Variants in SLC25A21 observed in about 807,000 individuals in gnomAD.
SLC25A21 encodes the protein solute carrier family 25 member 21, also known as mitochondrial 2-oxodicarboxylate carrier.
SLC25A21 carries 47 observed loss-of-function variants against 43.8 expected under a neutral mutation model. The observed-to-expected ratio is 1.07, with a 90% confidence interval of 0.85 to 1.37. The LOEUF is 1.37. Ranked by LOEUF, SLC25A21 falls within the 40% of genes most tolerant of loss-of-function variation. The pLI, the probability that SLC25A21 is intolerant of heterozygous loss-of-function variation, is 0.00. For synonymous variants in SLC25A21, 131 were observed against 121.3 expected, an observed-to-expected ratio of 1.08 and a Z score of -0.52; for missense variants, 352 against 350.2, an observed-to-expected ratio of 1.00 and a Z score of -0.04.
rs1207180703 is a variant in SLC25A21, at chr14:36,683,824, T to C, written c.838+4A>G. On this transcript the variant is annotated splice_donor_region_variant and intron_variant, in intron 9 of 9. Transcript: ENST00000331299. ...AAGGATTAAATAATCAAAATTATCA[T>C]TACCTGGTCCAAGTCTCATAATCTT... is the stretch of plus-strand genomic sequence containing the variant. The C allele has an allele frequency of 1.3e-6, 2 of 1,595,440 alleles. No homozygotes were observed. Among genetic ancestry groups the C allele is most frequent in the East Asian group, 2.2e-5 (1 of 44,692 alleles).
In SLC25A21 at chr14:36,941,940, T is replaced by C. The variant is rs897843630; in HGVS notation, c.71-66936A>G. 2.0e-5 allele frequency among the ~76,000 whole-genome samples: 3 copies of C among 152,170 alleles called. No individual in the cohort carries two copies. In the East Asian group the frequency reaches 5.8e-4, roughly 29 times the overall value. Reference sequence around the variant, plus strand: ...TAGATGAAGCAAAATCAATGATACATCAAATTACATGCACATCATCAGAGG... The same window carrying C: ...TAGATGAAGCAAAATCAATGATACACCAAATTACATGCACATCATCAGAGG... On this transcript the variant is annotated intron_variant, in intron 1 of 9. Coordinates refer to ENST00000331299, the MANE Select transcript of SLC25A21 (RefSeq NM_030631.4).
At chr14:36,917,587 G>C (rs1891865036) in intron 1 of SLC25A21, among the ~76,000 whole-genome samples, 1 of 152,102 alleles carries the variant, frequency 6.6e-6, no homozygotes, top group African/African-American at 2.4e-5. Context: ...ATTTGATAAT[G>C]CTGAAAGATA....
intron 1 of SLC25A21, among the ~76,000 whole-genome samples, chr14:37,010,802 T>C (rs1960714137): frequency 6.6e-6 from 1 of 152,156 alleles, no homozygotes; most frequent in Non-Finnish European, 1.5e-5. Flanking sequence ...TGGAGTGCAG[T>C]GGTGTAATGA....
At chr14:36,746,769 C>T (rs1232336151) in intron 3 of SLC25A21, among the ~76,000 whole-genome samples, 3 of 152,140 alleles carry the variant, frequency 2.0e-5, no homozygotes, top group Non-Finnish European at 4.4e-5. Context: ...TTTTAACTCA[C>T]TCTTTCATTA....
At chr14:36,693,099 A>G (rs1399474731) in intron 7 of SLC25A21, among the ~76,000 whole-genome samples, 1 of 152,232 alleles carries the variant, frequency 6.6e-6, no homozygotes, top group African/African-American at 2.4e-5. Flanking sequence ...ACCTACGTGA[A>G]GCTCATGCAT....
chr14:36,709,638 G>C (rs536880134), intron 7 of SLC25A21, among the ~76,000 whole-genome samples: 2 of 152,152 alleles, frequency 1.3e-5, no homozygotes, highest in Non-Finnish European at 2.9e-5. Context: ...TAACAACTTT[G>C]GTTAGTGAAG....
intron 1 of SLC25A21, among the ~76,000 whole-genome samples, chr14:36,904,734 T>A (rs1358934884): frequency 6.6e-6 from 1 of 152,134 alleles, no homozygotes; most frequent in Non-Finnish European, 1.5e-5. Context: ...CAAACACTTA[T>A]AAACCCATCA....
intron 3 of SLC25A21, among the ~76,000 whole-genome samples, chr14:36,745,692 T>C (rs527456458): frequency 6.6e-6 from 1 of 152,308 alleles, no homozygotes; most frequent in Non-Finnish European, 1.5e-5. Flanking sequence ...GATGGGGTTG[T>C]TTATTTTTTT....
At chr14:37,097,889 A>T (rs1317398615) in intron 1 of SLC25A21, 1 of 46,962 alleles carries the variant, frequency 2.1e-5, no homozygotes, top group Non-Finnish European at 1.3e-4. Context: ...ATCTCAAAAA[A>T]AAAAAATAAT....
intron 1 of SLC25A21, among the ~76,000 whole-genome samples, chr14:36,965,855 T>C (rs980417153): frequency 6.6e-6 from 1 of 152,188 alleles, no homozygotes; most frequent in African/African-American, 2.4e-5. Context: ...TGGTTAATTG[T>C]ACATTTAAAA....
chr14:37,004,165 T>A (rs1960547434), intron 1 of SLC25A21, among the ~76,000 whole-genome samples: 1 of 152,194 alleles, frequency 6.6e-6, no homozygotes. Flanking sequence ...ACAACATTTT[T>A]AAAATGGCAA....
intron 1 of SLC25A21, among the ~76,000 whole-genome samples, chr14:37,083,862 C>T (rs1566868836): frequency 1.3e-5 from 2 of 152,206 alleles, no homozygotes; most frequent in Non-Finnish European, 2.9e-5. Context: ...CTCGGTCTCC[C>T]TAATTCATAA....
chr14:36,683,795 A>G, intron 9 of SLC25A21, 33 bp downstream of exon 9: 1 of 1,497,066 alleles, frequency 6.7e-7, no homozygotes, highest in Non-Finnish European at 9.2e-7. Flanking sequence ...AACAATAAAG[A>G]AGGAAGGATT....
chr14:36,997,334 T>G (rs1960393117), intron 1 of SLC25A21, among the ~76,000 whole-genome samples: 2 of 152,078 alleles, frequency 1.3e-5, no homozygotes, highest in African/African-American at 4.8e-5. Context: ...CAACAGGTGA[T>G]CAAAAGAGAA....
intron 1 of SLC25A21, among the ~76,000 whole-genome samples, chr14:36,931,770 A>G (rs1421808186): frequency 6.6e-6 from 1 of 152,034 alleles, no homozygotes; most frequent in Non-Finnish European, 1.5e-5. Flanking sequence ...AATAGATGGG[A>G]CTTGGTAACT....
At chr14:37,046,413 T>C (rs1267256793) in intron 1 of SLC25A21, among the ~76,000 whole-genome samples, 2 of 152,100 alleles carry the variant, frequency 1.3e-5, no homozygotes, top group African/African-American at 2.4e-5. Context: ...GTGAAGCAGG[T>C]AGCTGGGCAG....
chr14:36,718,373 C>T (rs1228058627), intron 6 of SLC25A21, among the ~76,000 whole-genome samples: 2 of 152,192 alleles, frequency 1.3e-5, no homozygotes, highest in Non-Finnish European at 2.9e-5. Context: ...TGTTGCCAGA[C>T]AGTGTTTTAC....
intron 1 of SLC25A21, among the ~76,000 whole-genome samples, chr14:36,961,903 G>A (rs968671398): frequency 6.6e-6 from 1 of 152,180 alleles, no homozygotes; most frequent in African/African-American, 2.4e-5. Flanking sequence ...CTGTCTGTAT[G>A]TCTGAAAACA....
chr14:36,938,450 GGACAGCCT>G (rs1178047345), intron 1 of SLC25A21, among the ~76,000 whole-genome samples: 3 of 152,124 alleles, frequency 2.0e-5, no homozygotes, highest in African/African-American at 7.2e-5. Flanking sequence ...CTCAGTCTCT[GGACAGCCT>G]TAGCAGAGCA....
Sources: gnomAD v4.1 joint callset for allele counts (sites outside exome capture counted in the v4.1 genomes callset) on GRCh38, gnomAD v4.1.1 for gene constraint, MANE v1.5 for transcripts, NCBI Gene and HGNC (gene_info 2026-07-23, HGNC 2026-07-21) for gene names.